DAAM1: variants seen among roughly 807,000 people sequenced by gnomAD.
The protein encoded by DAAM1 is dishevelled associated activator of morphogenesis 1, also known as disheveled-associated activator of morphogenesis 1.
DAAM1 carries 52 observed loss-of-function variants against 130.0 expected under a neutral mutation model. The ratio of observed to expected loss-of-function variants is 0.40; its 90% CI spans 0.32 to 0.50. The LOEUF is 0.50. Among genes scored for constraint, DAAM1 ranks in the 20% least tolerant of loss-of-function variants. DAAM1 has a pLI of 0.61. For synonymous variants in DAAM1, 452 were observed against 444.5 expected (o/e 1.02, Z -0.21); for missense variants, 1,134 against 1,303.8 (o/e 0.87, Z 2.01).
In DAAM1 at chr14:59,235,559, A is replaced by G. The variant is rs1295491671; in HGVS notation, c.-37-27882A>G. 2.0e-5 allele frequency among the ~76,000 whole-genome samples: 3 copies of G among 151,948 alleles called. No homozygotes were observed. The East Asian group carries it at 5.8e-4, about 29-fold the overall frequency. ...TCTTTATTAGTCTAGCTAGTGGTCT[A>G]TCTATTTTTTAAATTTTTTCAAAAA... On this transcript the variant is annotated intron_variant, in intron 1 of 24. Coordinates refer to ENST00000360909, the MANE Select transcript of DAAM1 (RefSeq NM_001270520.2).
intron 1 of DAAM1, among the ~76,000 whole-genome samples, chr14:59,259,188 G>A (rs11158252): frequency 0.5 from 76,448 of 151,960 alleles, 20,629 homozygotes; most frequent in East Asian, 0.67. Flanking sequence ...TTGTACCTCT[G>A]TGTGCAAAAC....
At chr14:59,329,385 A>G (rs112701960) in intron 12 of DAAM1, among the ~76,000 whole-genome samples, 8 of 152,336 alleles carry the variant, frequency 5.3e-5, no homozygotes, top group African/African-American at 1.9e-4. Context: ...TAGGGAGGCA[A>G]CAACAGAGTG....
chr14:59,231,778 A>G (rs1395876941), intron 1 of DAAM1, among the ~76,000 whole-genome samples: 1 of 152,168 alleles, frequency 6.6e-6, no homozygotes, highest in Middle Eastern at 3.2e-3. Flanking sequence ...AACTTTAGCT[A>G]CTATATTGTT....
At chr14:59,347,269 C>A (rs765540533) in intron 16 of DAAM1, among the ~76,000 whole-genome samples, 43 of 152,032 alleles carry the variant, frequency 2.8e-4, no homozygotes, top group Non-Finnish European at 5.0e-4. Context: ...TTCCCTAATT[C>A]TAATCTTCCA....
chr14:59,249,852 A>AT (rs1301763122), intron 1 of DAAM1, among the ~76,000 whole-genome samples: 3 of 152,222 alleles, frequency 2.0e-5, no homozygotes, highest in Non-Finnish European at 4.4e-5. Context: ...GTAGGATAAA[A>AT]TGTGGCTTAT....
At chr14:59,280,888 AT>A (rs756296791) in intron 2 of DAAM1, among the ~76,000 whole-genome samples, 5 of 151,896 alleles carry the variant, frequency 3.3e-5, no homozygotes, top group Non-Finnish European at 7.4e-5. Context: ...AAGTGCTATC[AT>A]TTTTTCTAAG....
chr14:59,225,019 GTTT>G lies in DAAM1; in HGVS notation c.-38+36276_-38+36278del, dbSNP rs869233694. Among the ~76,000 whole-genome samples the G allele has an allele frequency of 4.4e-4, 40 of 90,802 alleles. 2 individuals carry two copies. The highest frequency in any genetic ancestry group is 2.7e-3 in the East Asian group (9 of 3,326). 59.6% of individuals were successfully genotyped at this position (90,802 alleles called of 152,430 possible). On this transcript the variant is annotated intron_variant, in intron 1 of 24. Coordinates refer to ENST00000360909, the MANE Select transcript of DAAM1 (RefSeq NM_001270520.2). ...GACTGTAAGAAATAAATCTGTGTGG[GTTT>G]TTTTTTTTTTTTTTTTTTTTTTTTG...
chr14:59,271,114 A>G (rs892601024), intron 2 of DAAM1, among the ~76,000 whole-genome samples: 20 of 152,060 alleles, frequency 1.3e-4, no homozygotes, highest in African/African-American at 4.8e-4. Context: ...ATTTTATACT[A>G]TTTTCTGGTT....
intron 1 of DAAM1, among the ~76,000 whole-genome samples, chr14:59,193,822 C>T (rs1486258580): frequency 6.6e-6 from 1 of 152,170 alleles, no homozygotes; most frequent in Non-Finnish European, 1.5e-5. Flanking sequence ...AGCTCAGGTG[C>T]CACAGCTTCC....
Position 59,326,824 on chromosome 14 carries a change from G to A in DAAM1, c.1314-109G>A. ...CTGGTCTTAAATGGGTTTCAAGCAT[G>A]CACTGAGGATTTTCTCTGCAGTAGA... On this transcript the variant is annotated intron_variant, in intron 11 of 24. Coordinates refer to ENST00000360909, the MANE Select transcript of DAAM1 (RefSeq NM_001270520.2). The A allele has an allele frequency of 2.0e-6, 3 of 1,525,994 alleles. No individual in the cohort carries two copies. In the South Asian group the frequency reaches 3.5e-5, roughly 18 times the overall value. 94.5% of individuals were successfully genotyped at this position (1,525,994 alleles called of 1,614,324 possible).
At chr14:59,358,929 A>G (rs1886595555) in intron 20 of DAAM1, among the ~76,000 whole-genome samples, 1 of 151,954 alleles carries the variant, frequency 6.6e-6, no homozygotes, top group Non-Finnish European at 1.5e-5. Flanking sequence ...GGTGGAATAA[A>G]CATCCCTCAC....
chr14:59,369,678 T>C lies in DAAM1; in HGVS notation c.*819T>C, dbSNP rs1437278613. 7.0e-6 allele frequency: 1 copy of C among 142,326 alleles called. No individual in the cohort carries two copies. Among genetic ancestry groups the C allele is most frequent in the Non-Finnish European group, 1.5e-5 (1 of 66,530 alleles). The allele number at this position is 142,326 out of a possible 1,614,324, so 8.8% of individuals were successfully genotyped here. On this transcript the variant is annotated 3_prime_UTR_variant, in exon 25 of 25. Transcript: ENST00000360909. ...AGTATGCTTGTTCTAACAATATAGA[T>C]ATATAAACCTTAAAAATAATAAAAT...
chr14:59,348,848 C>T (rs777456033), intron 17 of DAAM1, among the ~76,000 whole-genome samples: 6 of 152,252 alleles, frequency 3.9e-5, no homozygotes, highest in African/African-American at 1.2e-4. Context: ...GGACCAGCCC[C>T]GCCCCTGCAA....
chr14:59,333,369 A>G (rs1031247844), intron 15 of DAAM1, among the ~76,000 whole-genome samples: 4 of 152,230 alleles, frequency 2.6e-5, no homozygotes, highest in Non-Finnish European at 5.9e-5. Context: ...CAATGAAGAT[A>G]AGGCATTGGC....
intron 16 of DAAM1, among the ~76,000 whole-genome samples, chr14:59,344,694 C>A (rs1279505164): frequency 6.6e-6 from 1 of 152,136 alleles, no homozygotes; most frequent in Non-Finnish European, 1.5e-5. Context: ...TTAAGAGAAA[C>A]CAAAATTGTT....
chr14:59,279,016 GT>G (rs1270094431), intron 2 of DAAM1, among the ~76,000 whole-genome samples: 1 of 152,012 alleles, frequency 6.6e-6, no homozygotes, highest in African/African-American at 2.4e-5. Context: ...TTTTTTGTTT[GT>G]TTTCCTGGGG....
chr14:59,250,170 C>T (rs1881572405), intron 1 of DAAM1, among the ~76,000 whole-genome samples: 1 of 152,150 alleles, frequency 6.6e-6, no homozygotes, highest in African/African-American at 2.4e-5. Flanking sequence ...TCTGACATAA[C>T]GGCTTTAGTG....
intron 1 of DAAM1, among the ~76,000 whole-genome samples, chr14:59,245,439 G>A (rs1881327267): frequency 6.6e-6 from 1 of 152,166 alleles, no homozygotes; most frequent in Non-Finnish European, 1.5e-5. Context: ...AGATTACCAA[G>A]TGAATTTATT....
intron 1 of DAAM1, among the ~76,000 whole-genome samples, chr14:59,241,586 A>C (rs774233887): frequency 6.6e-6 from 1 of 152,224 alleles, no homozygotes; most frequent in South Asian, 2.1e-4. Flanking sequence ...TTTCTTCTGC[A>C]TGAGGAACTT....
Sources: allele counts gnomAD v4.1 joint callset (sites outside exome capture counted in the v4.1 genomes callset), GRCh38; gene constraint gnomAD v4.1.1; transcripts MANE v1.5; gene names NCBI Gene and HGNC (gene_info 2026-07-23, HGNC 2026-07-21).